The following CAST variants were observed in gnomAD, a reference collection of about 807,000 sequenced individuals.
CAST encodes the protein MIR583 host.
Under a neutral mutation model 119.6 loss-of-function variants are expected in CAST, and 76 were observed. That is an observed-to-expected ratio of 0.64 (90% CI 0.53 to 0.77). CAST has a LOEUF of 0.77. Among genes scored for constraint, CAST ranks in the 30% least tolerant of loss-of-function variants. The pLI, the probability that CAST is intolerant of heterozygous loss-of-function variation, is 0.00. For missense variants in CAST, 953 were observed against 946.5 expected, an observed-to-expected ratio of 1.01 and a Z score of -0.09; for synonymous variants, 319 against 331.6, an observed-to-expected ratio of 0.96 and a Z score of 0.41.
At chr5:96,108,479 G>A in the CAST span, among the ~76,000 whole-genome samples, 4 of 152,100 alleles carry the variant, frequency 2.6e-5, no homozygotes, top group South Asian at 2.1e-4. Context: ...TGGAGTACCC[G>A]GCCGTGTGAG....
chr5:96,195,106 T>C, the CAST span, among the ~76,000 whole-genome samples: 5,973 of 152,306 alleles, frequency 0.039, 410 homozygotes, highest in African/African-American at 0.14. Flanking sequence ...TAGACCTATT[T>C]GAAGAAGTTG....
rs987526397 is a variant in CAST, at chr5:96,750,603, C to T, written c.1445C>T (p.Ala482Val). 6.2e-7 allele frequency: 1 copy of T among 1,612,460 alleles called. No homozygotes were observed. The highest frequency in any genetic ancestry group is 8.5e-7 in the Non-Finnish European group (1 of 1,178,846). ...TEKTEESKAAAPAPVSEAVCR... is the reference protein window; with the variant it reads ...TEKTEESKAAVPAPVSEAVCR... The stretch of plus-strand genomic sequence containing the variant: ...TTTCCTCAGGAATCTAAGGCCGCTG[C>T]TCCAGCTCCTGTGTCGGAGGCTGTG... Residue 482 changes from alanine to valine, a missense_variant, in exon 20 of 32, where the codon GCT becomes GTT. Physicochemically the swap from Ala to Val is moderately conservative, Grantham distance 64. Coordinates refer to ENST00000675179, the MANE Select transcript of CAST (RefSeq NM_001750.7).
chr5:96,670,017 C>T (rs891463657), intron 1 of CAST, among the ~76,000 whole-genome samples: 2 of 152,234 alleles, frequency 1.3e-5, no homozygotes, highest in Non-Finnish European at 2.9e-5. Flanking sequence ...ATGGGACCCA[C>T]TGCTAACCTG....
chr5:95,977,222 G>A, the CAST span, among the ~76,000 whole-genome samples: 1 of 152,224 alleles, frequency 6.6e-6, no homozygotes, highest in Admixed American at 6.5e-5. Flanking sequence ...TGGAGGCTAG[G>A]AAGCACTGGC....
the CAST span, chr5:96,397,290 G>A: frequency 6.3e-7 from 1 of 1,575,430 alleles, no homozygotes; most frequent in Non-Finnish European, 8.7e-7. Flanking sequence ...GCTTCAAAAT[G>A]TTTAAAAGTA....
intron 1 of CAST, among the ~76,000 whole-genome samples, chr5:96,670,649 C>T (rs1438661332): frequency 6.6e-6 from 1 of 152,158 alleles, no homozygotes; most frequent in Non-Finnish European, 1.5e-5. Context: ...AGGTGTGCAC[C>T]ACCATGCCCA....
chr5:96,176,111 AG>A, the CAST span, among the ~76,000 whole-genome samples: 1 of 152,204 alleles, frequency 6.6e-6, no homozygotes, highest in African/African-American at 2.4e-5. Context: ...AAGGACAAAG[AG>A]AATTTTCCCA....
At chr5:96,647,123 G>C (rs1196272917) in intron 1 of CAST, among the ~76,000 whole-genome samples, 7 of 152,160 alleles carry the variant, frequency 4.6e-5, no homozygotes, top group African/African-American at 1.7e-4. Context: ...CTTGTTGGGT[G>C]ATTTGTTGCT....
the CAST span, among the ~76,000 whole-genome samples, chr5:96,226,245 G>A: frequency 4.3e-4 from 66 of 152,236 alleles, 1 homozygote; most frequent in African/African-American, 1.5e-3. Context: ...ATGTCCACCT[G>A]GCAATTGGTC....
At chr5:95,968,410 C>T in the CAST span, among the ~76,000 whole-genome samples, 1 of 152,006 alleles carries the variant, frequency 6.6e-6, no homozygotes, top group African/African-American at 2.4e-5. Context: ...GCATAGGTGC[C>T]CATTTGAAAA....
the CAST span, among the ~76,000 whole-genome samples, chr5:96,317,445 C>T: frequency 8.9e-5 from 10 of 112,268 alleles, no homozygotes; most frequent in African/African-American, 3.5e-4. Context: ...CCACTGCATT[C>T]AAGCCTGGGC....
At chr5:96,251,748 G>A in the CAST span, among the ~76,000 whole-genome samples, 1 of 152,028 alleles carries the variant, frequency 6.6e-6, no homozygotes. Flanking sequence ...TGTTGACTAA[G>A]TCTTATGAGT....
intron 2 of CAST, among the ~76,000 whole-genome samples, chr5:96,680,354 CA>C (rs71617135): frequency 0.018 from 541 of 29,280 alleles, 1 homozygote; most frequent in Non-Finnish European, 0.024. Flanking sequence ...GACTCTGTCT[CA>C]AAAAAAAAAA....
At position 96,561,786 on chromosome 5, in the gene CAST, G is replaced by GGTTTTTTTTTTTTTTT. The variant is rs1189100090; in HGVS notation, c.60+31906_60+31907insGTTTTTTTTTTTTTTT. Among the ~76,000 whole-genome samples, 41 of 105,434 alleles carry GGTTTTTTTTTTTTTTT rather than the reference G, an allele frequency of 3.9e-4. 10 individuals carry two copies. Among genetic ancestry groups the GGTTTTTTTTTTTTTTT allele is most frequent in the South Asian group, 1.4e-3 (4 of 2,784 alleles). The allele number at this position is 105,434 out of a possible 152,430, so 69.2% of individuals were successfully genotyped here. On this transcript the variant is annotated intron_variant, in intron 1 of 11. Coordinates refer to the CAST transcript ENST00000505143. ...ATGTATATATGTGTATTATATATAT[G>GGTTTTTTTTTTTTTTT]TTTTTTTTTGTTTTTTTTTTTTTTG... is the stretch of plus-strand genomic sequence containing the variant.
At chr5:96,340,317 G>A in the CAST span, among the ~76,000 whole-genome samples, 4 of 152,144 alleles carry the variant, frequency 2.6e-5, no homozygotes, top group South Asian at 8.3e-4. Context: ...GAAAGAACTT[G>A]ATGCTGAAAG....
chr5:96,277,995 T>C, the CAST span, among the ~76,000 whole-genome samples: 527 of 152,224 alleles, frequency 3.5e-3, 2 homozygotes, highest in African/African-American at 0.012. Context: ...CAGCTGTACC[T>C]TAACTGGAGG....
the CAST span, among the ~76,000 whole-genome samples, chr5:96,255,198 T>C: frequency 6.6e-6 from 1 of 152,108 alleles, no homozygotes; most frequent in South Asian, 2.1e-4. Flanking sequence ...CCAGGGCTGT[T>C]GGGTTGAACT....
chr5:96,155,555 G>A, the CAST span, among the ~76,000 whole-genome samples: 1 of 152,140 alleles, frequency 6.6e-6, no homozygotes, highest in Non-Finnish European at 1.5e-5. Context: ...GTTAGGACTG[G>A]GGGATATGTT....
chr5:96,410,886 G>A, the CAST span: 2 of 1,613,912 alleles, frequency 1.2e-6, no homozygotes, highest in Non-Finnish European at 1.7e-6. Flanking sequence ...GATGGAGATG[G>A]TGTAGATGCT....
Sources: gnomAD v4.1 joint callset for allele counts (sites outside exome capture counted in the v4.1 genomes callset) on GRCh38, gnomAD v4.1.1 for gene constraint, MANE v1.5 for transcripts, NCBI Gene and HGNC (gene_info 2026-07-23, HGNC 2026-07-21) for gene names.